Variants in TAGAP observed in about 807,000 individuals in gnomAD.
TAGAP encodes T-cell activation Rho GTPase-activating protein.
TAGAP carries 16 observed loss-of-function variants against 36.0 expected under a neutral mutation model. That is an observed-to-expected ratio of 0.44 (90% confidence interval 0.30 to 0.68). The LOEUF is 0.68. Among genes scored for constraint, TAGAP ranks in the 30% least tolerant of loss-of-function variants. TAGAP has a pLI of 0.09. For missense variants in TAGAP, 794 were observed against 921.5 expected (o/e 0.86, Z 1.79); for synonymous variants, 372 against 377.4 (o/e 0.99, Z 0.17).
chr6:159,044,224 A>G lies in TAGAP; in HGVS notation c.-58-20T>C. 1 of 1,549,210 alleles carries G rather than the reference A, an allele frequency of 6.5e-7. No individual in the cohort carries two copies. Among genetic ancestry groups the G allele is most frequent in the Non-Finnish European group, 8.7e-7 (1 of 1,144,580 alleles). On this transcript the variant is annotated intron_variant, in intron 1 of 9. Coordinates refer to ENST00000367066, the MANE Select transcript of TAGAP (RefSeq NM_054114.5). ...CTCTGTCTACAACGAATCACATGGA[A>G]AGGAGTTAGGAGGGACTCACACAGT...
chr6:159,040,810 C>G lies in TAGAP; in HGVS notation c.500G>C (p.Arg167Pro). 1 of 1,614,090 alleles carries G rather than the reference C, an allele frequency of 6.2e-7. No individual in the cohort carries two copies. The highest frequency in any genetic ancestry group is 8.5e-7 in the Non-Finnish European group (1 of 1,179,978). ...VFKDFLRSIPRKLLSSDLFEE... is the reference protein window; with the variant it reads ...VFKDFLRSIPPKLLSSDLFEE... ...AAAGAGGTCGCTTGAAAGTAGCTTC[C>G]GGGGGATACTTCTGAGGAAGTCCTG... is the stretch of plus-strand genomic sequence containing the variant. Residue 167 changes from arginine to proline, a missense_variant, in exon 7 of 10, where the codon CGG becomes CCG. Arg to Pro is a moderately radical substitution (Grantham distance 103). Coordinates refer to ENST00000367066, the MANE Select transcript of TAGAP (RefSeq NM_054114.5).
Position 159,041,219 on chromosome 6 carries a change from G to A in TAGAP, c.477+135C>T. 9.5e-7 allele frequency: 1 copy of A among 1,056,356 alleles called. No homozygotes were observed. The highest frequency in any genetic ancestry group is 2.7e-5 in the Admixed American group (1 of 37,088). The allele number at this position is 1,056,356 out of a possible 1,614,324, so 65.4% of individuals were successfully genotyped here. ...GTGCTTACTAAATAAATAAATAAAG[G>A]GCTTAATGAAAAAAATTAAACTCCA... On this transcript the variant is annotated intron_variant, in intron 6 of 9. Coordinates refer to ENST00000367066, the MANE Select transcript of TAGAP (RefSeq NM_054114.5). This position sits in a 1 kb window ranked among gnomAD's most constrained non-coding sequence, Gnocchi z 4.1.
chr6:159,037,043 G>A lies in TAGAP; in HGVS notation c.980C>T (p.Ser327Phe). 2 of 1,613,460 alleles carry A rather than the reference G, an allele frequency of 1.2e-6. No homozygotes were observed. The highest frequency in any genetic ancestry group is 2.7e-5 in the African/African-American group (2 of 75,068). ...VESNSSSGISSPSRQPQVPMA... is the reference protein window; with the variant it reads ...VESNSSSGISFPSRQPQVPMA... ...GGGCACCTGGGGCTGCCTGCTGGGA[G>A]AGCTGATGCCACTGCTGCTGTTGGA... The change falls in exon 10 of 10, where the codon TCT becomes TTT. Residue 327 changes from serine (S) to phenylalanine (F), a missense_variant. Coordinates refer to ENST00000367066, the MANE Select transcript of TAGAP (RefSeq NM_054114.5). This position sits in a 1 kb window ranked among gnomAD's most constrained non-coding sequence, Gnocchi z 5.1.
At chr6:159,042,326 G>A (rs551043635) in intron 4 of TAGAP, 82 bp from the exon 5 acceptor site, 32 of 1,537,702 alleles carry the variant, frequency 2.1e-5, no homozygotes, top group African/African-American at 1.4e-4. Context: ...AATGGGTATC[G>A]TTGGCCGCAT....
intron 7 of TAGAP, among the ~76,000 whole-genome samples, chr6:159,039,579 T>G (rs1583775266): frequency 6.6e-6 from 1 of 152,364 alleles, no homozygotes; most frequent in East Asian, 1.9e-4. Flanking sequence ...AGAGCTTAAA[T>G]TATGAAGCCA....
intron 3 of TAGAP, 110 bp downstream of exon 3, chr6:159,043,868 T>C (rs1286960901): frequency 4.7e-6 from 5 of 1,069,652 alleles, no homozygotes; most frequent in Admixed American, 2.1e-5. Flanking sequence ...ATGTGTGATG[T>C]TAGTTTACTA....
In TAGAP at chr6:159,035,616, T is replaced by C; in HGVS notation, c.*211A>G. The C allele has an allele frequency of 1.9e-6, 1 of 521,438 alleles. No homozygotes were observed. Among genetic ancestry groups the C allele is most frequent in the African/African-American group, 1.9e-5 (1 of 53,224 alleles). 32.3% of individuals were successfully genotyped at this position (521,438 alleles called of 1,614,324 possible). On this transcript the variant is annotated 3_prime_UTR_variant, in exon 10 of 10. Coordinates refer to ENST00000367066, the MANE Select transcript of TAGAP (RefSeq NM_054114.5). ...ACCTAACACCTTATCTATAATACATTTGATACATTTTTACATATTGCACAA... is the reference window on the plus strand; with the variant it reads ...ACCTAACACCTTATCTATAATACATCTGATACATTTTTACATATTGCACAA...
chr6:159,035,421 A>G lies in TAGAP; in HGVS notation c.*406T>C, dbSNP rs551443905. On this transcript the variant is annotated 3_prime_UTR_variant, in exon 10 of 10. Transcript: ENST00000367066. ...CAGAGATTTAAACATTTCTCCCTAAATGGAGTTTGTGGAAGATGTGAAAAT... is the reference window on the plus strand; with the variant it reads ...CAGAGATTTAAACATTTCTCCCTAAGTGGAGTTTGTGGAAGATGTGAAAAT... The G allele has an allele frequency of 6.2e-6, 1 of 162,308 alleles. No homozygotes were observed. Among genetic ancestry groups the G allele is most frequent in the Admixed American group, 5.8e-5 (1 of 17,272 alleles). The allele number at this position is 162,308 out of a possible 1,614,324, so 10.1% of individuals were successfully genotyped here.
In TAGAP at chr6:159,044,132, G is replaced by A. The variant is rs544406093; in HGVS notation, c.15C>T (p.Ser5=). ...GAGGGGCACTCACAGCATTGTGGCT[G>A]CTTCTCAGCTTCATCAGTATTGCGG... MKLR[S]SHNASKTLNA... is the part of the protein sequence containing the mutation. The change falls in exon 2 of 10, where the codon AGC becomes AGT. Residue 5 remains serine, a synonymous_variant. Transcript: ENST00000367066. 3 of 1,613,756 alleles carry A rather than the reference G, an allele frequency of 1.9e-6. No homozygotes were observed. Among genetic ancestry groups the A allele is most frequent in the Non-Finnish European group, 2.5e-6 (3 of 1,179,942 alleles).
Position 159,036,491 on chromosome 6 carries a change from A to G in TAGAP, c.1532T>C (p.Phe511Ser), listed in dbSNP as rs762747475. The G allele has an allele frequency of 3.7e-6, 6 of 1,613,896 alleles. No individual in the cohort carries two copies. The highest frequency in any genetic ancestry group is 5.1e-6 in the Non-Finnish European group (6 of 1,180,012). ...CACTTTTTTGTGAGGGGCAAAGGTG[A>G]AAGACATGGAGTGCTTTTTAATTTC... ...SREIKKHSMSFTFAPHKKVLT... is the reference protein window; with the variant it reads ...SREIKKHSMSSTFAPHKKVLT... The change falls in exon 10 of 10, where the codon TTC becomes TCC. Residue 511 changes from phenylalanine to serine, a missense_variant. Physicochemically the swap from Phe to Ser is radical, Grantham distance 155. Coordinates refer to ENST00000367066, the MANE Select transcript of TAGAP (RefSeq NM_054114.5). The surrounding 1 kb of genome is among the most constrained non-coding windows in gnomAD (Gnocchi z 4.9).
chr6:159,042,513 C>G, intron 4 of TAGAP: 1 of 479,124 alleles, frequency 2.1e-6, no homozygotes, highest in African/African-American at 1.9e-5. Flanking sequence ...CCTGTTTTCA[C>G]TCTTTCCAGC....
Position 159,041,237 on chromosome 6 carries a change from A to G in TAGAP, c.477+117T>C. ...AATAAAGGGCTTAATGAAAAAAATT[A>G]AACTCCAAGATCAGTGTACCTTGCT... is the stretch of plus-strand genomic sequence containing the variant. On this transcript the variant is annotated intron_variant, in intron 6 of 9. Transcript: ENST00000367066. The surrounding 1 kb of genome is among the most constrained non-coding windows in gnomAD (Gnocchi z 4.1). 1 of 1,291,586 alleles carries G rather than the reference A, an allele frequency of 7.7e-7. No individual in the cohort carries two copies. The highest frequency in any genetic ancestry group is 1.5e-5 in the South Asian group (1 of 66,642). 80.0% of individuals were successfully genotyped at this position (1,291,586 alleles called of 1,614,324 possible).
Position 159,043,702 on chromosome 6 carries a change from A to G in TAGAP, c.82-47T>C, listed in dbSNP as rs372947776. Reference sequence around the variant, plus strand: ...TTAAATATAGTGACTGAAGAAACCTATCGAGTCTTTCCCCACAAAACACAC... The same window carrying G: ...TTAAATATAGTGACTGAAGAAACCTGTCGAGTCTTTCCCCACAAAACACAC... On this transcript the variant is annotated intron_variant, in intron 3 of 9. Transcript: ENST00000367066. 8.1e-5 allele frequency: 127 copies of G among 1,563,050 alleles called. No individual in the cohort carries two copies. In the African/African-American group the frequency reaches 1.5e-3, roughly 19 times the overall value.
rs763861450 is a variant in TAGAP, at chr6:159,037,129, G to A, written c.899-5C>T. 1.1e-5 allele frequency: 18 copies of A among 1,592,274 alleles called. No individual in the cohort carries two copies. The Admixed American group carries it at 3.3e-4, about 29-fold the overall frequency. On this transcript the variant is annotated splice_region_variant and splice_polypyrimidine_tract_variant and intron_variant, in intron 9 of 9. Coordinates refer to ENST00000367066, the MANE Select transcript of TAGAP (RefSeq NM_054114.5). The surrounding 1 kb of genome is among the most constrained non-coding windows in gnomAD (Gnocchi z 5.1). ...CATTCTGCAGGGTCGACACATCTGG[G>A]GGAAGTCAAGCAGCAGTTGAACATT...
intron 8 of TAGAP, chr6:159,038,783 C>A: frequency 1.9e-6 from 1 of 525,698 alleles, no homozygotes; most frequent in South Asian, 5.3e-5. Context: ...ATAAAATTTT[C>A]ATTTAAGTAA....
rs1300472710 is a variant in TAGAP, at chr6:159,034,830, G to T, written c.*997C>A. ...GGTTTTGCAAATTCTGGAGAACAGG[G>T]ACTGCTTCTTCCTAAACAAGATCCC... is the stretch of plus-strand genomic sequence containing the variant. On this transcript the variant is annotated 3_prime_UTR_variant, in exon 10 of 10. Coordinates refer to ENST00000367066, the MANE Select transcript of TAGAP (RefSeq NM_054114.5). 6.6e-6 allele frequency: 1 copy of T among 152,160 alleles called. No individual in the cohort carries two copies. Among genetic ancestry groups the T allele is most frequent in the Admixed American group, 6.5e-5 (1 of 15,268 alleles). 9.4% of individuals were successfully genotyped at this position (152,160 alleles called of 1,614,324 possible).
intron 4 of TAGAP, among the ~76,000 whole-genome samples, chr6:159,043,322 G>A (rs991112451): frequency 2.0e-5 from 3 of 152,184 alleles, no homozygotes; most frequent in African/African-American, 7.2e-5. Flanking sequence ...GCTAATTGTC[G>A]AAACATACAT....
In TAGAP at chr6:159,044,219, A is replaced by G. The variant is rs372996216; in HGVS notation, c.-58-15T>C. 628 of 1,559,310 alleles carry G rather than the reference A, an allele frequency of 4.0e-4. No homozygotes were observed. The highest frequency in any genetic ancestry group is 5.1e-4 in the Non-Finnish European group (585 of 1,152,676). ...TGTGCCTCTGTCTACAACGAATCAC[A>G]TGGAAAGGAGTTAGGAGGGACTCAC... On this transcript the variant is annotated splice_polypyrimidine_tract_variant and intron_variant, in intron 1 of 9. Coordinates refer to ENST00000367066, the MANE Select transcript of TAGAP (RefSeq NM_054114.5).
chr6:159,038,293 G>A, intron 8 of TAGAP, 65 bp from the exon 9 acceptor site: 1 of 878,540 alleles, frequency 1.1e-6, no homozygotes, highest in Non-Finnish European at 1.8e-6. Flanking sequence ...TTTTTTGGAG[G>A]TGAGGAAGAA....
Sources: allele counts gnomAD v4.1 joint callset (sites outside exome capture counted in the v4.1 genomes callset), GRCh38; gene constraint gnomAD v4.1.1; non-coding constraint Gnocchi (gnomAD v3.1); transcripts MANE v1.5; gene names NCBI Gene and HGNC (gene_info 2026-07-23, HGNC 2026-07-21).